The following SCLT1 variants were observed in gnomAD, a reference collection of about 807,000 sequenced individuals.
The protein encoded by SCLT1 is sodium channel and clathrin linker 1.
SCLT1 carries 78 observed loss-of-function variants against 112.8 expected under a neutral mutation model. That is an observed-to-expected ratio of 0.69 (90% CI 0.58 to 0.83). The LOEUF (loss-of-function observed/expected upper bound fraction) is 0.83, where lower values mean the gene tolerates loss of function less well. Ranked by LOEUF, SCLT1 falls within the 40% of genes least tolerant of loss-of-function variation. The pLI is 0.00. For synonymous variants in SCLT1, 257 were observed against 254.7 expected (o/e 1.01, Z -0.09); for missense variants, 747 against 770.4 (o/e 0.97, Z 0.36).
At chr4:129,048,161 G>T (rs1294931643) in intron 2 of SCLT1, among the ~76,000 whole-genome samples, 4 of 151,990 alleles carry the variant, frequency 2.6e-5, no homozygotes, top group Non-Finnish European at 4.4e-5. Context: ...AAAAGGGCCC[G>T]CATCACCAAG....
intron 17 of SCLT1, among the ~76,000 whole-genome samples, chr4:128,940,504 A>T (rs1477501479): frequency 6.6e-6 from 1 of 151,998 alleles, no homozygotes; most frequent in Admixed American, 6.6e-5. Flanking sequence ...ATACACATAA[A>T]TTTTTCAATC....
chr4:129,026,793 T>TA (rs1560983177), intron 5 of SCLT1, among the ~76,000 whole-genome samples: 4 of 152,078 alleles, frequency 2.6e-5, no homozygotes, highest in Admixed American at 1.3e-4. Context: ...ACAAAATTGA[T>TA]AGACCGCTAG....
At chr4:128,980,579 C>T (rs1201878764) in intron 9 of SCLT1, among the ~76,000 whole-genome samples, 1 of 151,988 alleles carries the variant, frequency 6.6e-6, no homozygotes, top group Admixed American at 6.6e-5. Flanking sequence ...TAAAGATGTC[C>T]TGGATTTTAT....
chr4:129,026,532 C>T (rs1746104074), intron 5 of SCLT1, among the ~76,000 whole-genome samples: 1 of 152,046 alleles, frequency 6.6e-6, no homozygotes, highest in South Asian at 2.1e-4. Context: ...ACCAGAATCT[C>T]TGCGACATAT....
chr4:129,049,557 G>A lies in SCLT1; in HGVS notation c.103-5506C>T, dbSNP rs571930918. Among the ~76,000 whole-genome samples the A allele has an allele frequency of 4.5e-3, 680 of 150,268 alleles. 5 individuals carry two copies. Among genetic ancestry groups the A allele is most frequent in the African/African-American group, 0.016 (641 of 40,836 alleles). On this transcript the variant is annotated intron_variant, in intron 2 of 20. Transcript: ENST00000281142. ...TGACGAGTTAATGTGTGCAGCACACGAGCATGGCACATGTATACATACGTA... is the reference window on the plus strand; with the variant it reads ...TGACGAGTTAATGTGTGCAGCACACAAGCATGGCACATGTATACATACGTA...
At chr4:129,025,766 A>G (rs1560981524) in intron 5 of SCLT1, among the ~76,000 whole-genome samples, 1 of 152,122 alleles carries the variant, frequency 6.6e-6, no homozygotes, top group African/African-American at 2.4e-5. Context: ...AATTGGATAA[A>G]GAGTCAAGAC....
chr4:128,942,834 C>A (rs915654143), intron 17 of SCLT1, among the ~76,000 whole-genome samples, 162 bp downstream of exon 17: 6 of 151,900 alleles, frequency 3.9e-5, no homozygotes, highest in Non-Finnish European at 5.9e-5. Context: ...CCAAGTTCTA[C>A]AACACAGAAA....
At chr4:129,062,156 G>A (rs1488804847) in intron 2 of SCLT1, among the ~76,000 whole-genome samples, 1 of 152,128 alleles carries the variant, frequency 6.6e-6, no homozygotes, top group Non-Finnish European at 1.5e-5. Flanking sequence ...ATTCCTCCTT[G>A]TTCCTAGCTG....
At chr4:128,948,335 C>CAAAAA (rs11312069) in intron 15 of SCLT1, among the ~76,000 whole-genome samples, 161 bp downstream of exon 15, 1,370 of 46,762 alleles carry the variant, frequency 0.029, 1 homozygote, top group Non-Finnish European at 0.04. Flanking sequence ...GACTCCATTG[C>CAAAAA]AAAAAAAAAA....
At chr4:129,049,283 T>C (rs1373458456) in intron 2 of SCLT1, among the ~76,000 whole-genome samples, 4 of 151,754 alleles carry the variant, frequency 2.6e-5, no homozygotes, top group Admixed American at 6.6e-5. Context: ...ATATACACCA[T>C]GGAATACTAT....
At chr4:128,989,652 A>C (rs748377546) in intron 9 of SCLT1, among the ~76,000 whole-genome samples, 3 of 151,762 alleles carry the variant, frequency 2.0e-5, no homozygotes, top group Non-Finnish European at 4.4e-5. Context: ...AGACTAAAAA[A>C]TACAAAAGAT....
intron 5 of SCLT1, among the ~76,000 whole-genome samples, chr4:129,025,241 T>C (rs921691063): frequency 5.9e-5 from 9 of 152,038 alleles, no homozygotes; most frequent in Non-Finnish European, 1.2e-4. Flanking sequence ...CCAAGACACA[T>C]AATTGTCAGA....
chr4:128,993,754 T>A (rs1742776088), intron 8 of SCLT1, among the ~76,000 whole-genome samples: 1 of 152,042 alleles, frequency 6.6e-6, no homozygotes, highest in South Asian at 2.1e-4. Flanking sequence ...AGACAGAGAT[T>A]TTATGGTTGA....
chr4:129,053,479 T>C (rs11935616), intron 2 of SCLT1, among the ~76,000 whole-genome samples: 2,190 of 151,718 alleles, frequency 0.014, 47 homozygotes, highest in African/African-American at 0.044. Context: ...TTTAACATTA[T>C]GTAATGCCCT....
At chr4:128,899,705 T>C (rs1243954399) in intron 18 of SCLT1, among the ~76,000 whole-genome samples, 2 of 152,094 alleles carry the variant, frequency 1.3e-5, no homozygotes, top group Non-Finnish European at 2.9e-5. Flanking sequence ...AAATAAAGGG[T>C]ATTCAATTAG....
chr4:128,922,074 T>C (rs1286964357), intron 18 of SCLT1, among the ~76,000 whole-genome samples: 2 of 152,120 alleles, frequency 1.3e-5, no homozygotes, highest in African/African-American at 4.8e-5. Flanking sequence ...ATTAGAGAAA[T>C]GCAAATCAAA....
At position 128,922,814 on chromosome 4, in the gene SCLT1, A is replaced by C. The variant is rs184170776; in HGVS notation, c.1829+13841T>G. ...AAAATAATAGTTAACAAACCAACCA[A>C]CCAACCCCTTGAGAATATACAACAG... On this transcript the variant is annotated intron_variant, in intron 18 of 20. Transcript: ENST00000281142. Among the ~76,000 whole-genome samples, 1,336 of 152,262 alleles carry C rather than the reference A, an allele frequency of 8.8e-3. 17 individuals carry two copies. The highest frequency in any genetic ancestry group is 0.02 in the Middle Eastern group (6 of 294).
At chr4:129,082,751 T>G (rs1263657472) in intron 1 of SCLT1, among the ~76,000 whole-genome samples, 1 of 152,188 alleles carries the variant, frequency 6.6e-6, no homozygotes, top group Non-Finnish European at 1.5e-5. Context: ...AGTCATATTT[T>G]TTAGAATTCT....
rs576258731 is a variant in SCLT1, at chr4:129,004,407, C to T, written c.291-531G>A. Among the ~76,000 whole-genome samples the T allele has an allele frequency of 2.0e-5, 3 of 152,114 alleles. No individual in the cohort carries two copies. The South Asian group carries it at 6.2e-4, about 32-fold the overall frequency. On this transcript the variant is annotated intron_variant, in intron 5 of 20. Transcript: ENST00000281142. ...ACATCAGAAGCTTTATTTTTCAGCACATCCTTATATAAGATCAACAATAAT... is the reference window on the plus strand; with the variant it reads ...ACATCAGAAGCTTTATTTTTCAGCATATCCTTATATAAGATCAACAATAAT...
Sources: gnomAD v4.1 joint callset for allele counts (sites outside exome capture counted in the v4.1 genomes callset) on GRCh38, gnomAD v4.1.1 for gene constraint, MANE v1.5 for transcripts, NCBI Gene and HGNC (gene_info 2026-07-23, HGNC 2026-07-21) for gene names.